The following G6PC1 variants were observed in gnomAD, a reference collection of about 807,000 sequenced individuals.
G6PC1 encodes glucose-6-phosphatase catalytic subunit 1, also known as G-6-Pase.
A neutral mutation model predicts 30.4 loss-of-function variants in G6PC1; 23 were observed. The ratio of observed to expected loss-of-function variants is 0.76; its 90% confidence interval spans 0.55 to 1.07. G6PC1 has a LOEUF of 1.07. Among genes scored for constraint, G6PC1 ranks in the 50% least tolerant of loss-of-function variants. G6PC1 has a pLI of 0.00. For missense variants in G6PC1, 391 were observed against 433.9 expected (o/e 0.90, Z 0.88); for synonymous variants, 163 against 175.6 (o/e 0.93, Z 0.57).
Position 42,912,698 on chromosome 17 carries a change from G to A in G6PC1, c.*1272G>A, listed in dbSNP as rs1424732990. 1 of 148,720 alleles carries A rather than the reference G, an allele frequency of 6.7e-6. No homozygotes were observed. Among genetic ancestry groups the A allele is most frequent in the Non-Finnish European group, 1.5e-5 (1 of 67,648 alleles). 9.2% of individuals were successfully genotyped at this position (148,720 alleles called of 1,614,324 possible). On this transcript the variant is annotated 3_prime_UTR_variant, in exon 5 of 5. Coordinates refer to ENST00000253801, the MANE Select transcript of G6PC1 (RefSeq NM_000151.4). The stretch of plus-strand genomic sequence containing the variant: ...TTGCCCAGGCTGCTCTTGAATTCCT[G>A]GGCTCAAGCAGTCCTCCCACCCTAC...
At position 42,911,793 on chromosome 17, in the gene G6PC1, T is replaced by C. The variant is rs750508510; in HGVS notation, c.*367T>C. On this transcript the variant is annotated 3_prime_UTR_variant, in exon 5 of 5. Coordinates refer to ENST00000253801, the MANE Select transcript of G6PC1 (RefSeq NM_000151.4). ...TGCCAGCCCATTTTGAGGCCAGAGG[T>C]GCTGTCAGCTCAGGTGGTCCTCTTT... 2.3e-5 allele frequency: 8 copies of C among 344,352 alleles called. No homozygotes were observed. Among genetic ancestry groups the C allele is most frequent in the Non-Finnish European group, 4.4e-5 (8 of 181,718 alleles). 21.3% of individuals were successfully genotyped at this position (344,352 alleles called of 1,614,324 possible).
At chr17:42,903,434 T>C (rs1478720587) in intron 1 of G6PC1, among the ~76,000 whole-genome samples, 1 of 151,332 alleles carries the variant, frequency 6.6e-6, no homozygotes, top group African/African-American at 2.4e-5. Flanking sequence ...GATCATACAG[T>C]CAGGCACGGT....
chr17:42,902,280 G>A (rs1166829030), intron 1 of G6PC1, among the ~76,000 whole-genome samples: 10 of 151,982 alleles, frequency 6.6e-5, no homozygotes, highest in Admixed American at 3.3e-4. Flanking sequence ...ATGGAGTCTC[G>A]CACTGTTGCC....
chr17:42,910,699 A>G (rs2056089512), intron 4 of G6PC1, among the ~76,000 whole-genome samples: 1 of 151,974 alleles, frequency 6.6e-6, no homozygotes, highest in South Asian at 2.1e-4. Context: ...ACGGTGGGAG[A>G]TTGTACGTGA....
intron 3 of G6PC1, among the ~76,000 whole-genome samples, chr17:42,908,093 C>T (rs1002721875): frequency 6.6e-6 from 1 of 152,166 alleles, no homozygotes; most frequent in Non-Finnish European, 1.5e-5. Flanking sequence ...TGCAGTGGCA[C>T]GATCATGTCT....
chr17:42,910,141 G>A (rs890928785), intron 4 of G6PC1, among the ~76,000 whole-genome samples: 1 of 152,064 alleles, frequency 6.6e-6, no homozygotes, highest in Non-Finnish European at 1.5e-5. Flanking sequence ...GTGAGCCACC[G>A]CACCCTGCCT....
intron 1 of G6PC1, among the ~76,000 whole-genome samples, chr17:42,901,586 C>T (rs1597987119): frequency 6.6e-6 from 1 of 151,560 alleles, no homozygotes; most frequent in African/African-American, 2.4e-5. Flanking sequence ...ATTAGCTGGG[C>T]GTGTTGGTGC....
intron 1 of G6PC1, 27 bp from the exon 2 acceptor site, chr17:42,903,904 C>G (rs1300339555): frequency 2.7e-6 from 4 of 1,482,694 alleles, no homozygotes; most frequent in Non-Finnish European, 2.8e-6. Flanking sequence ...TTCAGTAACC[C>G]CAGAAACTTG....
intron 1 of G6PC1, 124 bp from the exon 2 acceptor site, chr17:42,903,806 AC>A: frequency 2.7e-6 from 2 of 734,416 alleles, no homozygotes; most frequent in Non-Finnish European, 5.0e-6. Flanking sequence ...CTCCCCAGCC[AC>A]CCAGTTCTCC....
At chr17:42,909,235 G>A (rs560809795) in intron 3 of G6PC1, 68 bp from the exon 4 acceptor site, 5 of 1,159,446 alleles carry the variant, frequency 4.3e-6, no homozygotes, top group Non-Finnish European at 5.2e-6. Flanking sequence ...CAACATTTCT[G>A]CAGGGGCTGT....
chr17:42,903,708 A>G lies in G6PC1; in HGVS notation c.231-223A>G, dbSNP rs570631184. 2.6e-5 allele frequency among the ~76,000 whole-genome samples: 4 copies of G among 151,970 alleles called. 1 individual carries two copies. Among genetic ancestry groups the G allele is most frequent in the African/African-American group, 9.6e-5 (4 of 41,494 alleles). ...GTTACTGAGCCAGATCCTGTCTCAA[A>G]AAAAAAAAAGATAATACATTCAAAC... On this transcript the variant is annotated intron_variant, in intron 1 of 4. Transcript: ENST00000253801.
rs750048146 is a variant in G6PC1, at chr17:42,911,182, C to A, written c.830C>A (p.Ser277Tyr). The part of the protein sequence containing the change: ...TLFGLGLALN[S>Y]SMYRESCKGK... ...TTTGGCCTGGGGCTGGCTCTCAACT[C>A]CAGCATGTACAGGGAGAGCTGCAAG... Residue 277 changes from serine to tyrosine, a missense_variant, in exon 5 of 5, where the codon TCC becomes TAC. Physicochemically the swap from Ser to Tyr is moderately radical, Grantham distance 144. Coordinates refer to ENST00000253801, the MANE Select transcript of G6PC1 (RefSeq NM_000151.4). 3 of 1,614,160 alleles carry A rather than the reference C, an allele frequency of 1.9e-6. No homozygotes were observed. Among genetic ancestry groups the A allele is most frequent in the Non-Finnish European group, 1.7e-6 (2 of 1,180,030 alleles).
intron 4 of G6PC1, among the ~76,000 whole-genome samples, chr17:42,910,143 A>G (rs1006696147): frequency 2.0e-5 from 3 of 152,062 alleles, no homozygotes; most frequent in African/African-American, 7.2e-5. Flanking sequence ...GAGCCACCGC[A>G]CCCTGCCTGA....
At position 42,902,558 on chromosome 17, in the gene G6PC1, T is replaced by C. The variant is rs548490403; in HGVS notation, c.231-1373T>C. On this transcript the variant is annotated intron_variant, in intron 1 of 4. Coordinates refer to ENST00000253801, the MANE Select transcript of G6PC1 (RefSeq NM_000151.4). The stretch of plus-strand genomic sequence containing the variant: ...GCCACTACACCCAGCCGCATGATTC[T>C]AAAAAATAAAAAGATGAAGTGTTAT... Among the ~76,000 whole-genome samples, 16 of 152,204 alleles carry C rather than the reference T, an allele frequency of 1.1e-4. No individual in the cohort carries two copies. The South Asian group carries it at 3.3e-3, about 32-fold the overall frequency.
chr17:42,907,954 T>C (rs184407058), intron 3 of G6PC1, among the ~76,000 whole-genome samples: 52 of 152,300 alleles, frequency 3.4e-4, no homozygotes, highest in African/African-American at 1.2e-3. Flanking sequence ...GAGTCACCCA[T>C]CCAGGTTAAA....
In G6PC1 at chr17:42,900,848, C is replaced by T; in HGVS notation, c.-29C>T. The T allele has an allele frequency of 6.3e-7, 1 of 1,575,792 alleles. No homozygotes were observed. Among genetic ancestry groups the T allele is most frequent in the African/African-American group, 1.3e-5 (1 of 74,326 alleles). On this transcript the variant is annotated 5_prime_UTR_variant, in exon 1 of 5. Transcript: ENST00000253801. ...GGAATAACTGCAAGGGCTCTGCTGA[C>T]ATCTTCCTGAGGTGCCAAGGAAATG...
chr17:42,903,429 T>C (rs892041271), intron 1 of G6PC1, among the ~76,000 whole-genome samples: 2 of 151,398 alleles, frequency 1.3e-5, no homozygotes, highest in Non-Finnish European at 2.9e-5. Context: ...AAATAGATCA[T>C]ACAGTCAGGC....
At chr17:42,901,704 CAAA>C (rs556849448) in intron 1 of G6PC1, among the ~76,000 whole-genome samples, 2 of 125,812 alleles carry the variant, frequency 1.6e-5, no homozygotes. Context: ...GACCCTGTCT[CAAA>C]AAAAAAAAAA....
rs764936031 is a variant in G6PC1, at chr17:42,903,913, T to C, written c.231-18T>C. 3.9e-6 allele frequency: 6 copies of C among 1,537,262 alleles called. No individual in the cohort carries two copies. The highest frequency in any genetic ancestry group is 5.4e-6 in the Non-Finnish European group (6 of 1,109,974). On this transcript the variant is annotated intron_variant, in intron 1 of 4. Transcript: ENST00000253801. ...CATTCATTCAGTAACCCCAGAAACT[T>C]GTTCTGTTTTTCCATAGGATTCTCT... is the stretch of plus-strand genomic sequence containing the variant.
Sources: gnomAD v4.1 joint callset for allele counts (sites outside exome capture counted in the v4.1 genomes callset) on GRCh38, gnomAD v4.1.1 for gene constraint, MANE v1.5 for transcripts, NCBI Gene and HGNC (gene_info 2026-07-23, HGNC 2026-07-21) for gene names.